Variants in GATM observed in about 807,000 individuals in gnomAD.
GATM encodes the protein glycine amidinotransferase, also known as glycine amidinotransferase, mitochondrial.
A neutral mutation model predicts 54.2 loss-of-function variants in GATM; 23 were observed. The observed-to-expected ratio is 0.42, with a 90% CI of 0.31 to 0.60. GATM has a LOEUF of 0.60. Ranked by LOEUF, GATM falls within the 20% of genes least tolerant of loss-of-function variation. The pLI is 0.14. For synonymous variants in GATM, 168 were observed against 183.1 expected, an observed-to-expected ratio of 0.92 and a Z score of 0.67; for missense variants, 401 against 544.9, an observed-to-expected ratio of 0.74 and a Z score of 2.63.
intron 7 of GATM, 188 bp downstream of exon 7, chr15:45,364,609 T>C (rs1595482126): frequency 1.7e-6 from 1 of 598,928 alleles, no homozygotes; most frequent in South Asian, 2.1e-5. Flanking sequence ...TCATTTTCTA[T>C]GGATGAAAAA....
chr15:45,382,507 C>A (rs1007441175), upstream of GATM, among the ~76,000 whole-genome samples: 70 of 152,048 alleles, frequency 4.6e-4, 1 homozygote, highest in African/African-American at 1.5e-3. Context: ...ACTAAAAATA[C>A]AAAAATTAGC....
At chr15:45,400,442 T>G (rs1889987127) in intron 1 of GATM, among the ~76,000 whole-genome samples, 1 of 152,214 alleles carries the variant, frequency 6.6e-6, no homozygotes, top group Non-Finnish European at 1.5e-5. Flanking sequence ...ACAGAATTCC[T>G]TGTTGCTTTT....
At chr15:45,377,084 T>C in intron 1 of GATM, 1 of 496,454 alleles carries the variant, frequency 2.0e-6, no homozygotes. Context: ...TGTCCCCAGC[T>C]ACCATACACC....
chr15:45,367,289 C>T (rs1318939551), intron 4 of GATM, among the ~76,000 whole-genome samples: 2 of 151,180 alleles, frequency 1.3e-5, no homozygotes, highest in Non-Finnish European at 2.9e-5. Flanking sequence ...TGCAGTGAGC[C>T]GAGATCACGC....
Position 45,368,386 on chromosome 15 carries a change from C to A in GATM, c.485-126G>T. ...CACCACTTTGGGAGGCCAAGACGGG[C>A]GGATCACTTGATCCTCTTCAAGAGC... On this transcript the variant is annotated intron_variant, in intron 3 of 8. Transcript: ENST00000396659. The surrounding 1 kb of genome is among the most constrained non-coding windows in gnomAD (Gnocchi z 5.1). 1.3e-6 allele frequency: 1 copy of A among 770,892 alleles called. No individual in the cohort carries two copies. Among genetic ancestry groups the A allele is most frequent in the Non-Finnish European group, 2.2e-6 (1 of 449,244 alleles). The allele number at this position is 770,892 out of a possible 1,614,324, so 47.8% of individuals were successfully genotyped here.
intron 6 of GATM, among the ~76,000 whole-genome samples, chr15:45,365,177 T>G (rs571201859): frequency 4.6e-5 from 7 of 152,190 alleles, no homozygotes; most frequent in Non-Finnish European, 1.0e-4. Flanking sequence ...TTTTAAAAAT[T>G]GAAAAATTTC....
In GATM at chr15:45,368,599, G is replaced by A. The variant is rs958975035; in HGVS notation, c.485-339C>T. On this transcript the variant is annotated intron_variant, in intron 3 of 8. Transcript: ENST00000396659. This position sits in a 1 kb window ranked among gnomAD's most constrained non-coding sequence, Gnocchi z 5.1. ...CACACTCCAGCCTGGGCGACAGAGTGAGACTCTGTCTCAAACAAACAAACA... is the reference window on the plus strand; with the variant it reads ...CACACTCCAGCCTGGGCGACAGAGTAAGACTCTGTCTCAAACAAACAAACA... Among the ~76,000 whole-genome samples, 8 of 151,998 alleles carry A rather than the reference G, an allele frequency of 5.3e-5. No homozygotes were observed. The highest frequency in any genetic ancestry group is 3.4e-3 in the Middle Eastern group (1 of 294).
chr15:45,390,474 G>T (rs1302861626), intron 3 of GATM, among the ~76,000 whole-genome samples: 1 of 152,152 alleles, frequency 6.6e-6, no homozygotes, highest in Non-Finnish European at 1.5e-5. Context: ...TGGTTCCTTT[G>T]ATTCAGTGAA....
chr15:45,369,616 T>G, intron 2 of GATM, 95 bp from the exon 3 acceptor site: 1 of 1,117,136 alleles, frequency 9.0e-7, no homozygotes, highest in Non-Finnish European at 1.3e-6. Flanking sequence ...TATAAGGTAT[T>G]GGAATTGAGA....
At chr15:45,364,178 T>C (rs963692507) in intron 7 of GATM, 162 bp from the exon 8 acceptor site, 1 of 644,516 alleles carries the variant, frequency 1.6e-6, no homozygotes, top group Non-Finnish European at 2.8e-6. Context: ...ATAAATGGTA[T>C]GAATCAATCT....
chr15:45,392,364 T>C (rs1329110938), intron 3 of GATM, among the ~76,000 whole-genome samples: 2 of 152,248 alleles, frequency 1.3e-5, no homozygotes, highest in African/African-American at 4.8e-5. Context: ...TGCATGTGTA[T>C]GCACGTGCGT....
chr15:45,371,356 A>T (rs1384682768), intron 2 of GATM, among the ~76,000 whole-genome samples: 1 of 152,202 alleles, frequency 6.6e-6, no homozygotes, highest in African/African-American at 2.4e-5. Flanking sequence ...TTTTGTTTAA[A>T]ACTGGTTAAA....
At chr15:45,400,025 C>G (rs1469345823) in intron 1 of GATM, among the ~76,000 whole-genome samples, 1 of 152,112 alleles carries the variant, frequency 6.6e-6, no homozygotes. Context: ...AGTTCGAGAC[C>G]AGCCTGGCCA....
chr15:45,378,200 G>A, intron 1 of GATM, 185 bp downstream of exon 1: 1 of 499,306 alleles, frequency 2.0e-6, no homozygotes, highest in Non-Finnish European at 3.5e-6. Context: ...CCCAGCTCCT[G>A]GAGCCTGCGA....
chr15:45,401,922 C>T (rs1246287680), intron 1 of GATM: 1 of 155,628 alleles, frequency 6.4e-6, no homozygotes, highest in African/African-American at 2.4e-5. Flanking sequence ...GCTGTATTCT[C>T]AGTTACGCCA....
At chr15:45,397,255 T>C (rs906012073) in intron 2 of GATM, 3 of 152,060 alleles carry the variant, frequency 2.0e-5, no homozygotes, top group Non-Finnish European at 4.4e-5. Flanking sequence ...TGGACTTTCC[T>C]GAGTGATAGG....
rs865940873 is a variant in GATM at position 45,363,646 on chromosome 15, G to A, written c.1159+254C>T. 13 of 556,246 alleles carry A rather than the reference G, an allele frequency of 2.3e-5. No homozygotes were observed. The South Asian group carries it at 2.8e-4, about 12-fold the overall frequency. The allele number at this position is 556,246 out of a possible 1,614,324, so 34.5% of individuals were successfully genotyped here. Reference sequence around the variant, plus strand: ...TTCTGCACATGGGCACCAAAACGTTGGCTAAGTCATATAAGATTTATAAAC... The same window carrying A: ...TTCTGCACATGGGCACCAAAACGTTAGCTAAGTCATATAAGATTTATAAAC... On this transcript the variant is annotated intron_variant, in intron 8 of 8. Transcript: ENST00000396659.
intron 5 of GATM, 48 bp from the exon 6 acceptor site, chr15:45,366,258 T>A: frequency 6.2e-7 from 1 of 1,611,056 alleles, no homozygotes; most frequent in Non-Finnish European, 8.5e-7. Flanking sequence ...TGGTTCTATG[T>A]CTAGAAAACT....
At chr15:45,380,315 AT>A (rs1477910343), upstream of GATM, among the ~76,000 whole-genome samples, 1 of 151,802 alleles carries the variant, frequency 6.6e-6, no homozygotes, top group Admixed American at 6.6e-5. Flanking sequence ...AGGCCCCCAA[AT>A]GCCATAATAT....
Sources: gnomAD v4.1 joint callset for allele counts (sites outside exome capture counted in the v4.1 genomes callset) on GRCh38, gnomAD v4.1.1 for gene constraint, Gnocchi (gnomAD v3.1) non-coding constraint, MANE v1.5 for transcripts, NCBI Gene and HGNC (gene_info 2026-07-23, HGNC 2026-07-21) for gene names.